The following CCDC33 variants were observed in gnomAD, a reference collection of about 807,000 sequenced individuals.
CCDC33 encodes coiled-coil domain-containing protein 33.
In CCDC33, 94 loss-of-function variants were observed where a neutral mutation model predicts 91.9. The ratio of observed to expected loss-of-function variants is 1.02; its 90% confidence interval spans 0.87 to 1.21. The LOEUF (loss-of-function observed/expected upper bound fraction) is 1.21, where lower values mean the gene tolerates loss of function less well. Among genes scored for constraint, CCDC33 ranks in the 50% most tolerant of loss-of-function variants. The pLI is 0.00. For synonymous variants in CCDC33, 396 were observed against 374.5 expected, an observed-to-expected ratio of 1.06 and a Z score of -0.66; for missense variants, 940 against 935.5, an observed-to-expected ratio of 1.00 and a Z score of -0.06.
At chr15:74,265,492 C>G (rs1176445866) in intron 3 of CCDC33, among the ~76,000 whole-genome samples, 2 of 152,206 alleles carry the variant, frequency 1.3e-5, no homozygotes, top group African/African-American at 4.8e-5. Flanking sequence ...TTCAACCCTT[C>G]CTATCATCTA....
chr15:74,214,604 A>G (rs2074395678), upstream of CCDC33, among the ~76,000 whole-genome samples: 3 of 152,136 alleles, frequency 2.0e-5, no homozygotes, highest in African/African-American at 7.2e-5. Context: ...GACTTGCTGA[A>G]ATTCACTGAT....
chr15:74,242,008 T>C (rs907329412), intron 1 of CCDC33, among the ~76,000 whole-genome samples: 2 of 152,182 alleles, frequency 1.3e-5, no homozygotes, highest in Admixed American at 1.3e-4. Context: ...AGGGGAGCTG[T>C]TGAGGGGGTG....
At chr15:74,312,611 A>C (rs1336388716) in intron 11 of CCDC33, among the ~76,000 whole-genome samples, 1 of 152,086 alleles carries the variant, frequency 6.6e-6, no homozygotes, top group Non-Finnish European at 1.5e-5. Context: ...ATTAATTTGC[A>C]CTTGTTGGCG....
At chr15:74,268,497 G>A (rs764078297) in intron 5 of CCDC33, 39 bp downstream of exon 5, 3 of 1,401,626 alleles carry the variant, frequency 2.1e-6, no homozygotes, top group Non-Finnish European at 3.0e-6. Flanking sequence ...TGGTGGGGGT[G>A]GGAAAGGGCC....
chr15:74,329,916 C>T (rs528108826), intron 11 of CCDC33, among the ~76,000 whole-genome samples: 2 of 152,334 alleles, frequency 1.3e-5, no homozygotes, highest in South Asian at 4.1e-4. Flanking sequence ...CCCCTGTGTC[C>T]ACACCTGGGG....
At chr15:74,328,286 G>A (rs145600030) in intron 11 of CCDC33, among the ~76,000 whole-genome samples, 3 of 152,368 alleles carry the variant, frequency 2.0e-5, no homozygotes, top group African/African-American at 7.2e-5. Context: ...GATTAAAGCA[G>A]TGATTAGAAT....
chr15:74,271,927 C>T (rs2076329739), intron 6 of CCDC33, 133 bp downstream of exon 6: 1 of 686,310 alleles, frequency 1.5e-6, no homozygotes, highest in African/African-American at 1.8e-5. Context: ...CCCTTCAAGC[C>T]TCTCCATTGG....
chr15:74,206,716 G>A (rs2074269090), intron 1 of CCDC33, among the ~76,000 whole-genome samples: 1 of 152,218 alleles, frequency 6.6e-6, no homozygotes, highest in South Asian at 2.1e-4. Context: ...GGGCCCTGAA[G>A]CCATGGAAGA....
chr15:74,222,468 C>T (rs527741127), intron 2 of CCDC33, among the ~76,000 whole-genome samples: 3 of 151,810 alleles, frequency 2.0e-5, no homozygotes, highest in South Asian at 2.1e-4. Flanking sequence ...TTCATAGAAA[C>T]GATTTCGTTT....
chr15:74,272,726 A>C, intron 6 of CCDC33, 45 bp from the exon 7 acceptor site: 1 of 1,603,610 alleles, frequency 6.2e-7, no homozygotes, highest in Non-Finnish European at 8.5e-7. Flanking sequence ...TGCCAGGCTC[A>C]GGTGCAGAGC....
chr15:74,262,841 G>T (rs1010566389), intron 3 of CCDC33, among the ~76,000 whole-genome samples: 4 of 152,194 alleles, frequency 2.6e-5, no homozygotes, highest in African/African-American at 9.7e-5. Context: ...TTTCATGGCT[G>T]TTATTAGCGC....
intron 11 of CCDC33, among the ~76,000 whole-genome samples, chr15:74,312,775 T>TC (rs767241565): frequency 1.8e-4 from 28 of 152,022 alleles, no homozygotes; most frequent in Non-Finnish European, 3.8e-4. Flanking sequence ...GGACACTGTC[T>TC]CCCCCCTCAG....
intron 1 of CCDC33, among the ~76,000 whole-genome samples, chr15:74,206,262 G>T (rs1017129672): frequency 6.6e-6 from 1 of 152,204 alleles, no homozygotes; most frequent in Non-Finnish European, 1.5e-5. Flanking sequence ...GGCAGGGTGG[G>T]CAGGCTGGGT....
At chr15:74,217,553 G>A (rs1205472442) in exon 1 of CCDC33, 1 of 1,256,876 alleles carries the variant, frequency 8.0e-7, no homozygotes, top group African/African-American at 1.5e-5. Context: ...CCCTCACCAG[G>A]AGCAAGTTTA....
At chr15:74,219,874 G>A (rs897891604) in intron 2 of CCDC33, among the ~76,000 whole-genome samples, 1 of 152,166 alleles carries the variant, frequency 6.6e-6, no homozygotes, top group Non-Finnish European at 1.5e-5. Flanking sequence ...GAGAGGTTCC[G>A]CTGGCAGTAG....
intron 2 of CCDC33, among the ~76,000 whole-genome samples, chr15:74,225,025 A>C (rs1002468078): frequency 6.6e-6 from 1 of 151,550 alleles, no homozygotes; most frequent in African/African-American, 2.4e-5. Context: ...GATTGTTGTA[A>C]CCGAACACAC....
chr15:74,334,204 G>C (rs1449183925), intron 17 of CCDC33, among the ~76,000 whole-genome samples: 1 of 151,828 alleles, frequency 6.6e-6, no homozygotes, highest in East Asian at 1.9e-4. Context: ...AGAGTTCAGT[G>C]TGTTACCAGG....
intron 4 of CCDC33, 60 bp downstream of exon 4, chr15:74,266,847 C>A: frequency 7.9e-7 from 1 of 1,267,204 alleles, no homozygotes; most frequent in Non-Finnish European, 1.2e-6. Context: ...TGAATGTCCC[C>A]AGCTATTCCC....
At chr15:74,333,392 CT>C in intron 16 of CCDC33, 1 of 1,159,852 alleles carries the variant, frequency 8.6e-7, no homozygotes, top group South Asian at 1.3e-5. Flanking sequence ...GGGCCCCTTG[CT>C]TTACATAAAC....
Sources: gnomAD v4.1 joint callset for allele counts (sites outside exome capture counted in the v4.1 genomes callset) on GRCh38, gnomAD v4.1.1 for gene constraint, MANE v1.5 for transcripts, NCBI Gene and HGNC (gene_info 2026-07-23, HGNC 2026-07-21) for gene names.